Variants in PUDP observed in about 807,000 individuals in gnomAD.
The protein encoded by PUDP is pseudouridine 5'-phosphatase.
A neutral mutation model predicts 9.4 loss-of-function variants in PUDP; 8 were observed. The observed-to-expected ratio is 0.85, with a 90% CI of 0.50 to 1.53. The LOEUF (loss-of-function observed/expected upper bound fraction) is 1.53. PUDP is among the 40% of genes most tolerant of loss of function. The pLI, the probability that PUDP is intolerant of heterozygous loss-of-function variation, is 0.00. For missense variants in PUDP, 188 were observed against 189.7 expected, an observed-to-expected ratio of 0.99 and a Z score of 0.05; for synonymous variants, 99 against 80.7, an observed-to-expected ratio of 1.23 and a Z score of -1.22.
At chrX:6,903,943 T>C (rs770384005) in intron 3 of PUDP, among the ~76,000 whole-genome samples, 1 of 101,116 alleles carries the variant, frequency 9.9e-6, no homozygotes, top group Non-Finnish European at 2.0e-5. Flanking sequence ...GTTTAAAAAA[T>C]ATATATATAT....
At chrX:7,037,881 G>A (rs1929874049) in intron 1 of PUDP, among the ~76,000 whole-genome samples, 1 of 111,219 alleles carries the variant, frequency 9.0e-6, no homozygotes, top group African/African-American at 3.3e-5. Context: ...ACAGGTATAA[G>A]GCACAGAAAA....
intron 3 of PUDP, among the ~76,000 whole-genome samples, chrX:6,878,369 CT>C (rs11447707): frequency 5.1e-3 from 503 of 98,691 alleles, no homozygotes; most frequent in African/African-American, 9.3e-3. Flanking sequence ...GTTTTCCTGG[CT>C]TTTTTTTTTT....
chrX:6,796,161 T>C (rs991605561), intron 3 of PUDP, among the ~76,000 whole-genome samples: 4 of 112,262 alleles, frequency 3.6e-5, no homozygotes, highest in Non-Finnish European at 7.5e-5. Flanking sequence ...CCATGTCTTA[T>C]TCACTGCACT....
chrX:6,798,726 C>T (rs776229084), intron 3 of PUDP, among the ~76,000 whole-genome samples: 1 of 112,066 alleles, frequency 8.9e-6, no homozygotes, highest in Admixed American at 9.5e-5. Context: ...TGCTTTCAAT[C>T]AAATATCTTG....
chrX:6,785,861 G>A (rs1272096403), intron 3 of PUDP, among the ~76,000 whole-genome samples: 1 of 111,562 alleles, frequency 9.0e-6, no homozygotes, highest in Non-Finnish European at 1.9e-5. Flanking sequence ...CATTGGTAGG[G>A]CCCTGGATTC....
At chrX:6,808,474 C>T (rs1353573130) in intron 3 of PUDP, among the ~76,000 whole-genome samples, 1 of 111,681 alleles carries the variant, frequency 9.0e-6, no homozygotes, top group Non-Finnish European at 1.9e-5. Context: ...CAGGAAATGA[C>T]CCTTTATATG....
chrX:7,052,401 A>G (rs772008763), intron 3 of PUDP, among the ~76,000 whole-genome samples: 2 of 111,264 alleles, frequency 1.8e-5, no homozygotes, highest in African/African-American at 3.3e-5. Context: ...CAGCGACTCA[A>G]TGCACTGGTG....
intron 1 of PUDP, among the ~76,000 whole-genome samples, chrX:7,008,121 G>A (rs1223123446): frequency 3.7e-5 from 4 of 109,082 alleles, no homozygotes; most frequent in East Asian, 2.9e-4. Flanking sequence ...CCACCACCAC[G>A]CGCAGCTAAT....
chrX:6,713,457 G>A (rs1569085960), intron 1 of PUDP, among the ~76,000 whole-genome samples: 1 of 111,422 alleles, frequency 9.0e-6, no homozygotes, highest in East Asian at 2.8e-4. Context: ...ATTCAACACT[G>A]TATTATAAAA....
At chrX:6,821,043 A>T (rs893186847) in intron 3 of PUDP, among the ~76,000 whole-genome samples, 2 of 110,415 alleles carry the variant, frequency 1.8e-5, no homozygotes, top group Admixed American at 1.9e-4. Flanking sequence ...ATCTAGGTGG[A>T]GGTTCCCAAA....
intron 3 of PUDP, among the ~76,000 whole-genome samples, chrX:6,855,794 A>C (rs1487350783): frequency 9.0e-6 from 1 of 111,712 alleles, no homozygotes; most frequent in Non-Finnish European, 1.9e-5. Context: ...TCTTGAGTAT[A>C]CTAGTGTTCT....
intron 3 of PUDP, among the ~76,000 whole-genome samples, chrX:7,055,864 G>C (rs908537552): frequency 8.9e-5 from 10 of 111,758 alleles, no homozygotes; most frequent in African/African-American, 3.3e-4. Flanking sequence ...TCTTATCTTC[G>C]AAGGCAGAAA....
chrX:7,094,290 C>T (rs1180080731), intron 2 of PUDP, among the ~76,000 whole-genome samples: 8 of 110,882 alleles, frequency 7.2e-5, no homozygotes, highest in African/African-American at 9.9e-5. Flanking sequence ...CAATTAGCTG[C>T]CTATGAAAGT....
chrX:7,143,310 G>C (rs2146939063), intron 1 of PUDP, among the ~76,000 whole-genome samples: 1 of 111,458 alleles, frequency 9.0e-6, no homozygotes, highest in South Asian at 3.8e-4. Flanking sequence ...TTACTGTGAT[G>C]GTCTGGAACT....
intron 3 of PUDP, among the ~76,000 whole-genome samples, chrX:6,781,282 T>A (rs1271255688): frequency 2.7e-5 from 3 of 111,418 alleles, no homozygotes; most frequent in African/African-American, 9.8e-5. Flanking sequence ...TATTCTAATA[T>A]GTCCAGGTAA....
At chrX:6,776,022 C>T (rs1378588747) in intron 3 of PUDP, among the ~76,000 whole-genome samples, 2 of 111,984 alleles carry the variant, frequency 1.8e-5, no homozygotes, top group African/African-American at 6.5e-5. Flanking sequence ...CAAACCCTTT[C>T]TCACGGTGGC....
At chrX:6,720,804 C>T (rs1051725299) in intron 1 of PUDP, among the ~76,000 whole-genome samples, 3 of 110,679 alleles carry the variant, frequency 2.7e-5, no homozygotes, top group African/African-American at 9.8e-5. Flanking sequence ...TTTTACTTGC[C>T]GATTATACCT....
upstream of PUDP, among the ~76,000 whole-genome samples, chrX:6,725,278 T>C (rs1363721452): frequency 5.3e-5 from 6 of 112,271 alleles, no homozygotes; most frequent in Non-Finnish European, 3.8e-5. Context: ...AGTGCAGTTA[T>C]GTTGCATGGG....
chrX:6,816,653 T>C (rs191676168), intron 3 of PUDP, among the ~76,000 whole-genome samples: 4,580 of 100,275 alleles, frequency 0.046, 114 homozygotes, highest in Non-Finnish European at 0.069. Flanking sequence ...ACATACTATA[T>C]TTGTATAGTT....
Sources: gnomAD v4.1 joint callset for allele counts (sites outside exome capture counted in the v4.1 genomes callset) on GRCh38, gnomAD v4.1.1 for gene constraint, MANE v1.5 for transcripts, NCBI Gene and HGNC (gene_info 2026-07-23, HGNC 2026-07-21) for gene names.